The following NAA38 variants were observed in gnomAD, a reference collection of about 807,000 sequenced individuals.
NAA38 encodes the protein LSM domain containing 1.
NAA38 carries 15 observed loss-of-function variants against 12.6 expected under a neutral mutation model. The ratio of observed to expected loss-of-function variants is 1.19; its 90% CI spans 0.79 to 1.83. The LOEUF is 1.83. Among genes scored for constraint, NAA38 ranks in the 40% most tolerant of loss-of-function variants. The pLI is 0.00. For missense variants in NAA38, 183 were observed against 171.7 expected (o/e 1.07, Z -0.37); for synonymous variants, 88 against 69.9 (o/e 1.26, Z -1.29).
intron 2 of NAA38, among the ~76,000 whole-genome samples, chr17:7,868,226 G>A (rs997020411): frequency 5.9e-5 from 9 of 152,136 alleles, no homozygotes; most frequent in Non-Finnish European, 1.2e-4. Flanking sequence ...GGTGAAAGAG[G>A]CCAAGCAGGA....
rs1172925354 is a variant in NAA38 at position 7,885,075 on chromosome 17, C to T, written c.-167+90G>A. On this transcript the variant is annotated intron_variant, in intron 1 of 4. Coordinates refer to the NAA38 transcript ENST00000576861. ...CCGCTGCCCCCGCCGCCGCCGCCCCCGCCGCCAGGTAAGCGCCCGCCCCGA... is the reference window on the plus strand; with the variant it reads ...CCGCTGCCCCCGCCGCCGCCGCCCCTGCCGCCAGGTAAGCGCCCGCCCCGA... 3.0e-6 allele frequency: 3 copies of T among 987,610 alleles called. 1 individual carries two copies. The highest frequency in any genetic ancestry group is 1.3e-4 in the Admixed American group (2 of 15,932). 61.2% of individuals were successfully genotyped at this position (987,610 alleles called of 1,614,324 possible).
Position 7,856,845 on chromosome 17 carries a change from TG to T in NAA38, c.266-3del. 1 of 1,613,480 alleles carries T rather than the reference TG, an allele frequency of 6.2e-7. No homozygotes were observed. Among genetic ancestry groups the T allele is most frequent in the Non-Finnish European group, 8.5e-7 (1 of 1,179,908 alleles). On this transcript the variant is annotated splice_region_variant and splice_polypyrimidine_tract_variant and intron_variant, in intron 2 of 2. Coordinates refer to ENST00000575771, the MANE Select transcript of NAA38 (RefSeq NM_001320925.4). ...GGGGCTCCCCGGCAGAGAAGGAATCTGGAAAGAAGGATCAGAGCATCAGGAA... is the reference window on the plus strand; with the variant it reads ...GGGGCTCCCCGGCAGAGAAGGAATCTGAAAGAAGGATCAGAGCATCAGGAA...
intron 2 of NAA38, chr17:7,877,047 T>C: frequency 2.6e-6 from 1 of 391,468 alleles, no homozygotes; most frequent in Non-Finnish European, 5.1e-6. Flanking sequence ...TTACACATTT[T>C]TCACTTCAAA....
chr17:7,857,238 G>A (rs1465334804), intron 1 of NAA38, 40 bp from the exon 2 acceptor site: 17 of 1,610,532 alleles, frequency 1.1e-5, no homozygotes, highest in Non-Finnish European at 1.4e-5. Context: ...GCGCAGCCCA[G>A]GCTGCCCGCC....
upstream of NAA38, chr17:7,857,941 A>G: frequency 7.0e-7 from 1 of 1,434,086 alleles, no homozygotes. Flanking sequence ...TTTCCCGTGA[A>G]CACGTGCAGT....
At position 7,856,860 on chromosome 17, in the gene NAA38, G is replaced by GA; in HGVS notation, c.266-18dup. On this transcript the variant is annotated splice_polypyrimidine_tract_variant and intron_variant, in intron 2 of 2. Transcript: ENST00000575771. Reference sequence around the variant, plus strand: ...AGAAGGAATCTGGAAAGAAGGATCAGAGCATCAGGAAAGTAGGCCAGAATC... The same window carrying GA: ...AGAAGGAATCTGGAAAGAAGGATCAGAAGCATCAGGAAAGTAGGCCAGAATC... 1 of 1,612,494 alleles carries GA rather than the reference G, an allele frequency of 6.2e-7. No individual in the cohort carries two copies. The highest frequency in any genetic ancestry group is 1.3e-5 in the African/African-American group (1 of 75,040).
In NAA38 at chr17:7,857,150, G is replaced by A. The variant is rs1436707798; in HGVS notation, c.130C>T (p.Gln44Ter). 1.2e-6 allele frequency: 2 copies of A among 1,613,022 alleles called. No individual in the cohort carries two copies. The highest frequency in any genetic ancestry group is 8.5e-7 in the Non-Finnish European group (1 of 1,180,026). Residue 44 changes from glutamine (Q) to a stop codon, truncating the protein, a stop_gained, in exon 2 of 3, where the codon CAG (glutamine) becomes TAG (stop). Transcript: ENST00000575771. LOFTEE classifies it high-confidence loss of function. The stretch of plus-strand genomic sequence containing the variant: ...GTCTTGTTGAGCAGCGCCTCTAGCT[G>A]CTGTCGGGCGCGCTCAGCCGCCGAG... The part of the protein sequence containing the change: ...EDSAAERARQ[Q>*]LEALLNKTMR...
At chr17:7,857,868 T>C (rs750235735), upstream of NAA38, 24 of 1,383,238 alleles carry the variant, frequency 1.7e-5, no homozygotes, top group Non-Finnish European at 2.2e-5. Context: ...ACCCCGCAAC[T>C]CCTGAAAGCG....
intron 1 of NAA38, among the ~76,000 whole-genome samples, chr17:7,883,780 A>G (rs1033909853): frequency 1.3e-5 from 2 of 152,040 alleles, no homozygotes; most frequent in Non-Finnish European, 2.9e-5. Context: ...TTCCTTTTCA[A>G]TGCCTGAAGG....
chr17:7,876,423 G>A (rs1345465750), intron 2 of NAA38, among the ~76,000 whole-genome samples: 2 of 151,956 alleles, frequency 1.3e-5, no homozygotes, highest in African/African-American at 2.4e-5. Context: ...CCTTTAAAGA[G>A]GTACTAACTC....
intron 2 of NAA38, among the ~76,000 whole-genome samples, chr17:7,878,329 T>G (rs1967210526): frequency 6.6e-6 from 1 of 151,974 alleles, no homozygotes. Flanking sequence ...AAGAACAGGT[T>G]AGATTAAAGC....
At chr17:7,857,852 T>A, upstream of NAA38, 2 of 1,374,110 alleles carry the variant, frequency 1.5e-6, no homozygotes, top group Non-Finnish European at 1.9e-6. Context: ...ATTCGTTCTC[T>A]GCCCCACCCC....
At chr17:7,858,574 C>G, upstream of NAA38, 2 of 1,609,700 alleles carry the variant, frequency 1.2e-6, no homozygotes, top group Non-Finnish European at 1.7e-6. Context: ...AATGGCTGCT[C>G]TGACACCCTC....
intron 2 of NAA38, among the ~76,000 whole-genome samples, chr17:7,874,749 G>A (rs551990353): frequency 6.6e-6 from 1 of 151,994 alleles, no homozygotes; most frequent in African/African-American, 2.4e-5. Flanking sequence ...AGCTGGGTGT[G>A]GTGGCGGGCG....
chr17:7,881,599 G>A (rs922024676), intron 2 of NAA38, among the ~76,000 whole-genome samples: 2 of 151,638 alleles, frequency 1.3e-5, no homozygotes, highest in African/African-American at 4.9e-5. Context: ...AAGCTGGTAA[G>A]TATGAAGACT....
At chr17:7,860,482 T>C (rs956221523), upstream of NAA38, 1 of 152,064 alleles carries the variant, frequency 6.6e-6, no homozygotes, top group African/African-American at 2.4e-5. Context: ...CTTCGAAACT[T>C]TGGAAAGTTT....
At chr17:7,878,608 C>T (rs1967217078) in intron 2 of NAA38, among the ~76,000 whole-genome samples, 1 of 152,112 alleles carries the variant, frequency 6.6e-6, no homozygotes, top group South Asian at 2.1e-4. Flanking sequence ...CGCCTGTAAT[C>T]CCAGCTACTC....
chr17:7,884,324 A>G (rs1967415640), intron 1 of NAA38, among the ~76,000 whole-genome samples: 1 of 150,228 alleles, frequency 6.7e-6, no homozygotes, highest in South Asian at 2.1e-4. Context: ...GGGTTGTTTT[A>G]AAAATAATTT....
intron 1 of NAA38, 63 bp downstream of exon 1, chr17:7,857,320 C>G (rs1261440187): frequency 6.2e-6 from 10 of 1,612,542 alleles, no homozygotes; most frequent in Admixed American, 3.3e-5. Context: ...AGCTGCAGTT[C>G]CCCACCCCCT....
Sources: gnomAD v4.1 joint callset for allele counts (sites outside exome capture counted in the v4.1 genomes callset) on GRCh38, gnomAD v4.1.1 for gene constraint, MANE v1.5 for transcripts, NCBI Gene and HGNC (gene_info 2026-07-23, HGNC 2026-07-21) for gene names.